The following GRIK2 variants were observed in gnomAD, a reference collection of about 807,000 sequenced individuals.
The protein encoded by GRIK2 is glutamate receptor ionotropic, kainate 2.
Under a neutral mutation model 100.3 loss-of-function variants are expected in GRIK2, and 32 were observed. That is an observed-to-expected ratio of 0.32 (90% CI 0.24 to 0.43). The LOEUF (loss-of-function observed/expected upper bound fraction) is 0.43, where lower values mean the gene tolerates loss of function less well. Among genes scored for constraint, GRIK2 ranks in the 20% least tolerant of loss-of-function variants. GRIK2 has a pLI of 1.00. For missense variants in GRIK2, 843 were observed against 1,114.9 expected, an observed-to-expected ratio of 0.76 and a Z score of 3.47; for synonymous variants, 417 against 389.4, an observed-to-expected ratio of 1.07 and a Z score of -0.83.
chr6:101,462,238 A>G (rs954392636), intron 2 of GRIK2, among the ~76,000 whole-genome samples: 1 of 152,204 alleles, frequency 6.6e-6, no homozygotes, highest in Admixed American at 6.5e-5. Flanking sequence ...GTCCCTCAAT[A>G]CATATTTTTC....
chr6:101,784,728 TC>T (rs1779316601), intron 7 of GRIK2, among the ~76,000 whole-genome samples: 1 of 152,154 alleles, frequency 6.6e-6, no homozygotes, highest in South Asian at 2.1e-4. Flanking sequence ...TTCCCTGCTA[TC>T]CCTCTCTCTC....
chr6:101,580,066 C>CT (rs962722458), intron 2 of GRIK2, among the ~76,000 whole-genome samples: 16 of 152,146 alleles, frequency 1.1e-4, no homozygotes, highest in African/African-American at 3.9e-4. Flanking sequence ...TATTCTACAA[C>CT]TTTTTTTCTC....
At chr6:102,024,882 C>A (rs1447600595) in intron 14 of GRIK2, among the ~76,000 whole-genome samples, 1 of 149,718 alleles carries the variant, frequency 6.7e-6, no homozygotes. Flanking sequence ...CTGATTTGAT[C>A]ATTACAAATT....
Position 101,959,723 on chromosome 6 carries a change from C to T in GRIK2, c.2085+31091C>T, listed in dbSNP as rs552967588. 7.9e-5 allele frequency among the ~76,000 whole-genome samples: 12 copies of T among 152,086 alleles called. No individual in the cohort carries two copies. The East Asian group carries it at 1.4e-3, about 17-fold the overall frequency. ...TCTTTCTAATGTAGGTTTTTAACAC[C>T]GATGAAAATTTTGTTGAGAGTCCCT... is the stretch of plus-strand genomic sequence containing the variant. On this transcript the variant is annotated intron_variant, in intron 14 of 16. Coordinates refer to ENST00000369134, the MANE Select transcript of GRIK2 (RefSeq NM_021956.5).
At chr6:101,718,681 A>C (rs1774237044) in intron 7 of GRIK2, among the ~76,000 whole-genome samples, 1 of 151,876 alleles carries the variant, frequency 6.6e-6, no homozygotes, top group Non-Finnish European at 1.5e-5. Context: ...ACTTTTTTGT[A>C]ACAGGTGAGG....
chr6:101,709,448 T>G (rs550803203), intron 7 of GRIK2, among the ~76,000 whole-genome samples: 4 of 151,828 alleles, frequency 2.6e-5, no homozygotes, highest in Non-Finnish European at 5.9e-5. Context: ...TTTATTACTC[T>G]GTCTATTAGA....
chr6:101,729,259 T>C (rs9404133), intron 7 of GRIK2, among the ~76,000 whole-genome samples: 14,521 of 152,002 alleles, frequency 0.096, 831 homozygotes, highest in South Asian at 0.2. Context: ...ATTATGCATT[T>C]AATTAGAGAG....
At chr6:101,679,198 T>C (rs1771063055) in intron 5 of GRIK2, among the ~76,000 whole-genome samples, 1 of 152,168 alleles carries the variant, frequency 6.6e-6, no homozygotes, top group African/African-American at 2.4e-5. Flanking sequence ...AAAATGCTAA[T>C]AAAATCCTAC....
chr6:101,961,579 C>G (rs1004821470), intron 14 of GRIK2, among the ~76,000 whole-genome samples: 2 of 152,212 alleles, frequency 1.3e-5, no homozygotes, highest in Non-Finnish European at 2.9e-5. Context: ...GAACCACACT[C>G]TCCCTGACAT....
intron 2 of GRIK2, among the ~76,000 whole-genome samples, chr6:101,544,886 C>T (rs1337738992): frequency 6.6e-6 from 1 of 152,130 alleles, no homozygotes; most frequent in East Asian, 1.9e-4. Context: ...TCTTCTAAAC[C>T]TTTTGTTGAG....
intron 7 of GRIK2, among the ~76,000 whole-genome samples, chr6:101,712,019 A>T (rs1027874381): frequency 6.6e-6 from 1 of 151,856 alleles, no homozygotes; most frequent in Admixed American, 6.6e-5. Context: ...AATAGAAACT[A>T]TAAAAGATCC....
chr6:102,027,732 T>C (rs1769777757), intron 14 of GRIK2, among the ~76,000 whole-genome samples: 1 of 151,148 alleles, frequency 6.6e-6, no homozygotes, highest in Admixed American at 6.6e-5. Context: ...GACAGTCAGG[T>C]TCATAAAAGC....
intron 7 of GRIK2, among the ~76,000 whole-genome samples, chr6:101,729,173 C>A (rs1294224001): frequency 6.6e-6 from 1 of 151,982 alleles, no homozygotes; most frequent in East Asian, 1.9e-4. Flanking sequence ...TGTCTAATTG[C>A]AGGCAACCAT....
At chr6:101,912,835 T>C (rs1252809790) in intron 12 of GRIK2, among the ~76,000 whole-genome samples, 5 of 151,616 alleles carry the variant, frequency 3.3e-5, no homozygotes, top group Admixed American at 6.6e-5. Flanking sequence ...AAACCAGTCA[T>C]ATTTTAGATC....
At chr6:101,792,993 A>T (rs898442875) in intron 7 of GRIK2, among the ~76,000 whole-genome samples, 26 of 152,198 alleles carry the variant, frequency 1.7e-4, no homozygotes, top group African/African-American at 5.8e-4. Context: ...CTTCCAGTTG[A>T]TCGCATCGGC....
chr6:101,535,573 AGTT>A (rs904422068), intron 2 of GRIK2, among the ~76,000 whole-genome samples: 3 of 151,554 alleles, frequency 2.0e-5, no homozygotes, highest in African/African-American at 7.3e-5. Context: ...CTCTTATTTC[AGTT>A]GTTAATATAT....
At chr6:101,706,664 T>A (rs866791929) in intron 7 of GRIK2, among the ~76,000 whole-genome samples, 5 of 151,900 alleles carry the variant, frequency 3.3e-5, no homozygotes, top group African/African-American at 1.2e-4. Flanking sequence ...GAAGACAGGA[T>A]TGGATAGAAA....
At chr6:101,443,237 G>C (rs893554635) in intron 2 of GRIK2, among the ~76,000 whole-genome samples, 1 of 152,108 alleles carries the variant, frequency 6.6e-6, no homozygotes, top group African/African-American at 2.4e-5. Flanking sequence ...TAAATAAAGT[G>C]AGTAAAGTAC....
intron 7 of GRIK2, among the ~76,000 whole-genome samples, chr6:101,700,621 T>C (rs1582986110): frequency 6.6e-6 from 1 of 152,174 alleles, no homozygotes; most frequent in African/African-American, 2.4e-5. Context: ...TTACAGATGA[T>C]GGGACTGAGG....
Sources: gnomAD v4.1 joint callset for allele counts (sites outside exome capture counted in the v4.1 genomes callset) on GRCh38, gnomAD v4.1.1 for gene constraint, MANE v1.5 for transcripts, NCBI Gene and HGNC (gene_info 2026-07-23, HGNC 2026-07-21) for gene names.